The following UNC45A variants were observed in gnomAD, a reference collection of about 807,000 sequenced individuals.
The protein encoded by UNC45A is unc-45 myosin chaperone A, also known as protein unc-45 homolog A.
A neutral mutation model predicts 103.2 loss-of-function variants in UNC45A; 78 were observed. The ratio of observed to expected loss-of-function variants is 0.76; its 90% CI spans 0.63 to 0.91. The LOEUF (loss-of-function observed/expected upper bound fraction) is 0.91, where lower values mean the gene tolerates loss of function less well. UNC45A is among the 40% of genes least tolerant of loss of function. The pLI is 0.00. For synonymous variants in UNC45A, 495 were observed against 504.6 expected (o/e 0.98, Z 0.25); for missense variants, 1,193 against 1,224.8 (o/e 0.97, Z 0.39).
upstream of UNC45A, chr15:90,935,031 T>C (rs984459327): frequency 7.1e-6 from 4 of 559,632 alleles, no homozygotes; most frequent in Admixed American, 7.0e-5. Flanking sequence ...TCTGCTGCGG[T>C]CGGGGCCGGA....
chr15:90,945,790 G>A (rs1350825653), intron 9 of UNC45A, among the ~76,000 whole-genome samples: 4 of 150,674 alleles, frequency 2.7e-5, no homozygotes, highest in African/African-American at 9.8e-5. Context: ...CCACCACCAC[G>A]CCTGGCTAAT....
At chr15:90,946,122 TGG>T (rs2036554132) in intron 9 of UNC45A, among the ~76,000 whole-genome samples, 1 of 149,374 alleles carries the variant, frequency 6.7e-6, no homozygotes, top group Non-Finnish European at 1.5e-5. Context: ...GGTGTGGTGG[TGG>T]GTGCCTGTAA....
At chr15:90,936,986 A>G (rs2036054855) in intron 4 of UNC45A, among the ~76,000 whole-genome samples, 1 of 152,308 alleles carries the variant, frequency 6.6e-6, no homozygotes, top group South Asian at 2.1e-4. Context: ...ACTCTTATAT[A>G]GTTACTGAGA....
In UNC45A at chr15:90,950,582, T is replaced by C. The variant is rs146339623; in HGVS notation, c.2270T>C (p.Leu757Pro). 1 of 1,614,150 alleles carries C rather than the reference T, an allele frequency of 6.2e-7. No homozygotes were observed. The highest frequency in any genetic ancestry group is 8.5e-7 in the Non-Finnish European group (1 of 1,180,014). ...CAGAACTTCGAGGCGCTCATGGCCCTAACAAACCTGGCTGGGATCAGCGAG... is the reference window on the plus strand; with the variant it reads ...CAGAACTTCGAGGCGCTCATGGCCCCAACAAACCTGGCTGGGATCAGCGAG... ...GLQNFEALMA[L>P]TNLAGISERL... Residue 757 changes from leucine to proline, a missense_variant, in exon 17 of 20, where the codon CTA becomes CCA. Transcript: ENST00000418476.
In UNC45A at chr15:90,935,298, G is replaced by A. The variant is rs1567146548; in HGVS notation, c.-27G>A. The A allele has an allele frequency of 6.3e-7, 1 of 1,592,520 alleles. No homozygotes were observed. Among genetic ancestry groups the A allele is most frequent in the East Asian group, 2.3e-5 (1 of 43,612 alleles). ...TCGCCCCGCCCCAGAGACTGCGCCT[G>A]CGCGGGCACGAGACAACCTCTCCGC... On this transcript the variant is annotated 5_prime_UTR_variant, in exon 1 of 20. Transcript: ENST00000418476.
intron 17 of UNC45A, among the ~76,000 whole-genome samples, chr15:90,951,979 C>A (rs1403431324): frequency 6.6e-6 from 1 of 152,178 alleles, no homozygotes; most frequent in Non-Finnish European, 1.5e-5. Flanking sequence ...CCATCACGAC[C>A]ACCCTGGTCT....
chr15:90,946,931 G>A lies in UNC45A; in HGVS notation c.1500+17G>A, dbSNP rs1436083132. 3 of 1,569,314 alleles carry A rather than the reference G, an allele frequency of 1.9e-6. No homozygotes were observed. The highest frequency in any genetic ancestry group is 3.4e-5 in the Admixed American group (2 of 58,740). ...GCGCTAGTGGTGAGACGGTGGGCCT[G>A]GGGTGGGTGGGCAGGCAGCCAGGCA... On this transcript the variant is annotated intron_variant, in intron 10 of 19. Coordinates refer to ENST00000418476, the MANE Select transcript of UNC45A (RefSeq NM_018671.5).
upstream of UNC45A, chr15:90,935,185 G>A: frequency 3.7e-6 from 3 of 820,054 alleles, no homozygotes; most frequent in Non-Finnish European, 5.8e-6. Flanking sequence ...GCCCGGGCGC[G>A]CTCCCTCCTT....
intron 4 of UNC45A, among the ~76,000 whole-genome samples, chr15:90,937,612 AG>A (rs2036086432): frequency 6.7e-6 from 1 of 150,156 alleles, no homozygotes; most frequent in Non-Finnish European, 1.5e-5. Context: ...TCAGTCCCCC[AG>A]GTAGCTGGGA....
chr15:90,950,076 CGG>C (rs1184565863), intron 15 of UNC45A, 76 bp from the exon 16 acceptor site: 1 of 1,381,110 alleles, frequency 7.2e-7, no homozygotes, highest in African/African-American at 1.4e-5. Flanking sequence ...GAGGGTGGCA[CGG>C]TCAGGGCTGG....
chr15:90,932,405 G>C (rs2035833434), upstream of UNC45A: 2 of 1,302,376 alleles, frequency 1.5e-6, no homozygotes, highest in Non-Finnish European at 2.0e-6. Flanking sequence ...GCCGCAGCCG[G>C]CGCTCCGCGG....
intron 3 of UNC45A, 149 bp downstream of exon 3, chr15:90,936,131 C>T: frequency 6.7e-7 from 1 of 1,503,602 alleles, no homozygotes; most frequent in Non-Finnish European, 8.9e-7. Flanking sequence ...CTTTCCTTTT[C>T]TGCAGCTACC....
At chr15:90,946,253 CA>C (rs60118193) in intron 9 of UNC45A, among the ~76,000 whole-genome samples, 8,969 of 104,554 alleles carry the variant, frequency 0.086, 193 homozygotes, top group South Asian at 0.16. Flanking sequence ...GACTCTGTCT[CA>C]AAAAAAAAAA....
Position 90,948,637 on chromosome 15 carries a change from C to T in UNC45A, c.1738-17C>T, listed in dbSNP as rs746624967. The T allele has an allele frequency of 6.2e-7, 1 of 1,612,604 alleles. No individual in the cohort carries two copies. Among genetic ancestry groups the T allele is most frequent in the Non-Finnish European group, 8.5e-7 (1 of 1,178,774 alleles). On this transcript the variant is annotated splice_polypyrimidine_tract_variant and intron_variant, in intron 12 of 19. Coordinates refer to ENST00000418476, the MANE Select transcript of UNC45A (RefSeq NM_018671.5). ...CTGCCCCGGGATGCCCATGTGAATT[C>T]CTCTGTGTCCTGGCAGTTGGAGGAG...
chr15:90,935,485 T>G (rs2035960175), intron 1 of UNC45A, 59 bp from the exon 2 acceptor site: 4 of 1,573,044 alleles, frequency 2.5e-6, no homozygotes, highest in Non-Finnish European at 3.5e-6. Flanking sequence ...CCTCTCCCCT[T>G]AGCTCCCGGG....
rs944393853 is a variant in UNC45A, at chr15:90,953,464, A to C, written c.2583A>C (p.Thr861=). The C allele has an allele frequency of 6.2e-7, 1 of 1,613,456 alleles. No homozygotes were observed. Among genetic ancestry groups the C allele is most frequent in the Non-Finnish European group, 8.5e-7 (1 of 1,180,020 alleles). The change falls in exon 20 of 20, where the codon ACA becomes ACC. Residue 861 remains threonine (T), a synonymous_variant. Coordinates refer to ENST00000418476, the MANE Select transcript of UNC45A (RefSeq NM_018671.5). ...CTACCCTGTTTTTCTCACAGACCAC[A>C]CACTGGCTGGAGATCCTGCAGGCCC... ...TLCSRIPQVT[T]HWLEILQALL...
Position 90,953,772 on chromosome 15 carries a change from A to G in UNC45A, c.*56A>G, listed in dbSNP as rs2037069722. 1.9e-6 allele frequency: 3 copies of G among 1,578,416 alleles called. No homozygotes were observed. In the East Asian group the frequency reaches 6.9e-5, roughly 36 times the overall value. On this transcript the variant is annotated 3_prime_UTR_variant, in exon 20 of 20. Coordinates refer to ENST00000418476, the MANE Select transcript of UNC45A (RefSeq NM_018671.5). ...ACACGCTACCTATTGTGGCACGGAG[A>G]GTAAGGACGGAAGCAGCTTTGGCTG...
intron 6 of UNC45A, among the ~76,000 whole-genome samples, chr15:90,941,472 T>C (rs970691309): frequency 1.3e-5 from 2 of 152,188 alleles, no homozygotes; most frequent in African/African-American, 4.8e-5. Context: ...GAAATCTCTT[T>C]AGGCTAAGCT....
In UNC45A at chr15:90,953,638, T is replaced by G. The variant is rs748949167; in HGVS notation, c.2757T>G (p.Pro919=). ...TGCTAGCTAAGGGTGACCACAGCCC[T>G]GTCACAAGGGCTGCTGCAGCCTGCC... ...LSVLAKGDHS[P]VTRAAAACLD... Residue 919 remains proline (P), a synonymous_variant, in exon 20 of 20, where the codon CCT becomes CCG. Coordinates refer to ENST00000418476, the MANE Select transcript of UNC45A (RefSeq NM_018671.5). The G allele has an allele frequency of 2.1e-5, 34 of 1,614,030 alleles. No homozygotes were observed. Among genetic ancestry groups the G allele is most frequent in the Non-Finnish European group, 2.7e-5 (32 of 1,180,038 alleles).
Sources: gnomAD v4.1 joint callset for allele counts (sites outside exome capture counted in the v4.1 genomes callset) on GRCh38, gnomAD v4.1.1 for gene constraint, MANE v1.5 for transcripts, NCBI Gene and HGNC (gene_info 2026-07-23, HGNC 2026-07-21) for gene names.